Variants in TRIP10 observed in about 807,000 individuals in gnomAD.
TRIP10 encodes the protein cdc42-interacting protein 4.
Under a neutral mutation model 80.9 loss-of-function variants are expected in TRIP10, and 54 were observed. That is an observed-to-expected ratio of 0.67 (90% CI 0.54 to 0.84). The LOEUF (loss-of-function observed/expected upper bound fraction) is 0.84. TRIP10 is among the 40% of genes least tolerant of loss of function. TRIP10 has a pLI of 0.00. For synonymous variants in TRIP10, 321 were observed against 307.2 expected, an observed-to-expected ratio of 1.04 and a Z score of -0.47; for missense variants, 773 against 815.3, an observed-to-expected ratio of 0.95 and a Z score of 0.63.
Position 6,745,676 on chromosome 19 carries a change from C to T in TRIP10, c.985-353C>T, listed in dbSNP as rs530864607. On this transcript the variant is annotated intron_variant, in intron 9 of 14. Transcript: ENST00000313244. The surrounding 1 kb of genome is among the most constrained non-coding windows in gnomAD (Gnocchi z 7.2). ...GCTAAGTGGACAGAGAGACATGGGC[C>T]TCCCTGCCTCCTGGACCCATGCTTG... 6 of 985,282 alleles carry T rather than the reference C, an allele frequency of 6.1e-6. No homozygotes were observed. Among genetic ancestry groups the T allele is most frequent in the Admixed American group, 6.2e-5 (1 of 16,260 alleles). The allele number at this position is 985,282 out of a possible 1,614,324, so 61.0% of individuals were successfully genotyped here.
At chr19:6,743,670 C>T (rs772673964) in intron 6 of TRIP10, 38 bp from the exon 7 acceptor site, 25 of 1,612,164 alleles carry the variant, frequency 1.6e-5, no homozygotes, top group Middle Eastern at 1.7e-4. Flanking sequence ...GGGACGTGAT[C>T]GGAACCTGGC....
chr19:6,750,116 C>A, intron 12 of TRIP10, 50 bp downstream of exon 12: 1 of 1,502,462 alleles, frequency 6.7e-7, no homozygotes, highest in South Asian at 1.2e-5. Context: ...CTGGCTGAGT[C>A]ACTGCTGGGT....
rs1051764068 is a variant in TRIP10, at chr19:6,744,204, G to A, written c.643-350G>A. ...TCTAACAACCCCTCTGAAAGGTCTC[G>A]AATTTCCCCTCTCCTGTTTCAATCT... is the stretch of plus-strand genomic sequence containing the variant. On this transcript the variant is annotated intron_variant, in intron 7 of 14. Coordinates refer to ENST00000313244, the MANE Select transcript of TRIP10 (RefSeq NM_001288962.2). The surrounding 1 kb of genome is among the most constrained non-coding windows in gnomAD (Gnocchi z 4.9). Among the ~76,000 whole-genome samples the A allele has an allele frequency of 1.1e-4, 16 of 152,048 alleles. No homozygotes were observed. Among genetic ancestry groups the A allele is most frequent in the Admixed American group, 9.2e-4 (14 of 15,260 alleles).
rs1969236486 is a variant in TRIP10 at position 6,750,072 on chromosome 19, G to C, written c.1395+6G>C. 8 of 1,435,334 alleles carry C rather than the reference G, an allele frequency of 5.6e-6. No homozygotes were observed. Among genetic ancestry groups the C allele is most frequent in the Non-Finnish European group, 6.5e-6 (7 of 1,075,878 alleles). 88.9% of individuals were successfully genotyped at this position (1,435,334 alleles called of 1,614,324 possible). On this transcript the variant is annotated splice_donor_region_variant and intron_variant, in intron 12 of 14. Transcript: ENST00000313244. The stretch of plus-strand genomic sequence containing the variant: ...TGGAAGTGCAGAAGTATGAGGTCAG[G>C]AAAGACCCTGGGGAGGGGCGGGAGC...
Position 6,743,780 on chromosome 19 carries a change from C to A in TRIP10, c.586C>A (p.Arg196Ser). The A allele has an allele frequency of 6.2e-7, 1 of 1,614,076 alleles. No individual in the cohort carries two copies. Residue 196 changes from arginine to serine, a missense_variant, in exon 7 of 15, where the codon CGC becomes AGC. Transcript: ENST00000313244. The stretch of plus-strand genomic sequence containing the variant: ...AAACGAATATGCGGCTCAACTGCAG[C>A]GCTTCAACCGAGACCAAGCCCACTT... ...SKNEYAAQLQ[R>S]FNRDQAHFYF...
rs1298701372 is a variant in TRIP10 at position 6,745,878 on chromosome 19, T to TC, written c.985-150dup. ...GTTGTGGTTTTCTTACCGTTTTTTT[T>TC]CTTTCTCCATTTTGTTTTTCCTTTT... On this transcript the variant is annotated intron_variant, in intron 9 of 14. Transcript: ENST00000313244. The surrounding 1 kb of genome is among the most constrained non-coding windows in gnomAD (Gnocchi z 7.2). 1 of 1,256,156 alleles carries TC rather than the reference T, an allele frequency of 8.0e-7. No individual in the cohort carries two copies. Among genetic ancestry groups the TC allele is most frequent in the Non-Finnish European group, 1.0e-6 (1 of 998,282 alleles). The allele number at this position is 1,256,156 out of a possible 1,614,324, so 77.8% of individuals were successfully genotyped here.
chr19:6,751,050 ACCC>A lies in TRIP10; in HGVS notation c.1658-10_1658-8del. ...CTAAAGCAGATCTGGGCCCACCCCC[ACCC>A]CCATCACAGGGTCCAGCGAGGGCAC... On this transcript the variant is annotated splice_polypyrimidine_tract_variant and intron_variant, in intron 14 of 14. Coordinates refer to ENST00000313244, the MANE Select transcript of TRIP10 (RefSeq NM_001288962.2). 6.9e-7 allele frequency: 1 copy of A among 1,451,896 alleles called. No homozygotes were observed. Among genetic ancestry groups the A allele is most frequent in the Non-Finnish European group, 9.2e-7 (1 of 1,087,326 alleles). 89.9% of individuals were successfully genotyped at this position (1,451,896 alleles called of 1,614,324 possible).
Position 6,751,230 on chromosome 19 carries a change from AGAG to A in TRIP10, c.*21_*23del. 3 of 1,613,714 alleles carry A rather than the reference AGAG, an allele frequency of 1.9e-6. No individual in the cohort carries two copies. Among genetic ancestry groups the A allele is most frequent in the Non-Finnish European group, 2.5e-6 (3 of 1,179,914 alleles). ...CAATTGAACCCTGCCAGAGACGGGA[AGAG>A]GGGGGCTGTCGGCTGCTGCTTCTGG... On this transcript the variant is annotated 3_prime_UTR_variant, in exon 15 of 15. Coordinates refer to ENST00000313244, the MANE Select transcript of TRIP10 (RefSeq NM_001288962.2).
At chr19:6,750,220 G>C in intron 12 of TRIP10, 72 bp from the exon 13 acceptor site, 1 of 1,593,288 alleles carries the variant, frequency 6.3e-7, no homozygotes, top group Admixed American at 1.7e-5. Flanking sequence ...TGATCTCAGG[G>C]AACCTCTGGG....
chr19:6,744,520 C>G lies in TRIP10; in HGVS notation c.643-34C>G, dbSNP rs778136382. 1.2e-6 allele frequency: 2 copies of G among 1,612,958 alleles called. No individual in the cohort carries two copies. The highest frequency in any genetic ancestry group is 1.7e-5 in the Admixed American group (1 of 59,952). ...ACTGTGCTTCTAGTCCCTCTGTTAG[C>G]ACCCCTGAGCCACCCTTGTCCCTGT... On this transcript the variant is annotated intron_variant, in intron 7 of 14. Coordinates refer to ENST00000313244, the MANE Select transcript of TRIP10 (RefSeq NM_001288962.2). The surrounding 1 kb of genome is among the most constrained non-coding windows in gnomAD (Gnocchi z 4.9).
rs763513711 is a variant in TRIP10, at chr19:6,743,479, C to G, written c.409-15C>G. 1.1e-5 allele frequency: 18 copies of G among 1,613,114 alleles called. No homozygotes were observed. The highest frequency in any genetic ancestry group is 1.4e-5 in the Non-Finnish European group (17 of 1,179,242). ...GGATGGTGGCTCCCTCACTCCGGTT[C>G]TGTCCCCTACACAGAGTAAGCGTAA... On this transcript the variant is annotated splice_polypyrimidine_tract_variant and intron_variant, in intron 5 of 14. Coordinates refer to ENST00000313244, the MANE Select transcript of TRIP10 (RefSeq NM_001288962.2).
Position 6,746,364 on chromosome 19 carries a change from G to C in TRIP10, c.1153-88G>C. 4 of 1,567,204 alleles carry C rather than the reference G, an allele frequency of 2.6e-6. No homozygotes were observed. The highest frequency in any genetic ancestry group is 1.1e-5 in the South Asian group (1 of 87,020). ...GCTTCGCTGTCAAGAACCATGGCTG[G>C]GGAAGGGAGTGAAATATCTCAGACG... On this transcript the variant is annotated intron_variant, in intron 10 of 14. Coordinates refer to ENST00000313244, the MANE Select transcript of TRIP10 (RefSeq NM_001288962.2). The surrounding 1 kb of genome is among the most constrained non-coding windows in gnomAD (Gnocchi z 6.2).
At position 6,744,407 on chromosome 19, in the gene TRIP10, G is replaced by C. The variant is rs1969034127; in HGVS notation, c.643-147G>C. 1 of 1,186,406 alleles carries C rather than the reference G, an allele frequency of 8.4e-7. No homozygotes were observed. The highest frequency in any genetic ancestry group is 1.2e-6 in the Non-Finnish European group (1 of 836,648). The allele number at this position is 1,186,406 out of a possible 1,614,324, so 73.5% of individuals were successfully genotyped here. On this transcript the variant is annotated intron_variant, in intron 7 of 14. Transcript: ENST00000313244. The surrounding 1 kb of genome is among the most constrained non-coding windows in gnomAD (Gnocchi z 4.9). ...TCTCTTCCCCAACCACAGTGGGCTG[G>C]AGTCTCTCTTCCCGACTCTGTCTTC...
Position 6,741,029 on chromosome 19 carries a change from A to G in TRIP10, c.44A>G (p.Glu15Gly). ...TELWDQFEVL[E>G]RHTQWGLDLL... ...TGTCAGGATCAGTTCGAGGTGCTCG[A>G]GCGCCACACGCAGTGGGGGCTGGAC... The change falls in exon 2 of 15, where the codon GAG becomes GGG. Residue 15 changes from glutamate to glycine, a missense_variant. Transcript: ENST00000313244. The G allele has an allele frequency of 6.2e-7, 1 of 1,613,708 alleles. No individual in the cohort carries two copies. The highest frequency in any genetic ancestry group is 8.5e-7 in the Non-Finnish European group (1 of 1,179,792).
chr19:6,751,197 G>A lies in TRIP10; in HGVS notation c.1792G>A (p.Val598Ile). ...EGYVPTSYLR[V>I]TLN is the part of the protein sequence containing the mutation. ...CTACGTGCCCACCTCCTACCTCCGA[G>A]TCACGCTCAATTGAACCCTGCCAGA... The change falls in exon 15 of 15, where the codon GTC (valine) becomes ATC (isoleucine). Residue 598 changes from valine (V) to isoleucine (I), a missense_variant. By Grantham distance (29) the Val-to-Ile change is conservative (BLOSUM62 3). Transcript: ENST00000313244. 1 of 1,613,976 alleles carries A rather than the reference G, an allele frequency of 6.2e-7. No individual in the cohort carries two copies. Among genetic ancestry groups the A allele is most frequent in the Non-Finnish European group, 8.5e-7 (1 of 1,179,984 alleles).
rs1969061331 is a variant in TRIP10, at chr19:6,744,944, G to A, written c.934G>A (p.Gly312Ser). 6.2e-7 allele frequency: 1 copy of A among 1,614,058 alleles called. No individual in the cohort carries two copies. The highest frequency in any genetic ancestry group is 8.5e-7 in the Non-Finnish European group (1 of 1,180,014). Reference protein sequence around the residue: ...TPSDGRPELRGPGRSRTKRWP... With the variant: ...TPSDGRPELRSPGRSRTKRWP... Reference sequence around the variant, plus strand: ...CTCGGATGGACGGCCTGAACTCCGAGGCCCGGGTCGCAGCCGCACCAAGCG... The same window carrying A: ...CTCGGATGGACGGCCTGAACTCCGAAGCCCGGGTCGCAGCCGCACCAAGCG... Residue 312 changes from glycine to serine, a missense_variant, in exon 9 of 15, where the codon GGC becomes AGC. Coordinates refer to ENST00000313244, the MANE Select transcript of TRIP10 (RefSeq NM_001288962.2). This position sits in a 1 kb window ranked among gnomAD's most constrained non-coding sequence, Gnocchi z 4.9.
rs940147227 is a variant in TRIP10 at position 6,745,779 on chromosome 19, A to C, written c.985-250A>C. ...CTGGCTTTCGGGCTTACAGTTCAACATCCTCCCCGCCACCTTCCAGATTTT... is the reference window on the plus strand; with the variant it reads ...CTGGCTTTCGGGCTTACAGTTCAACCTCCTCCCCGCCACCTTCCAGATTTT... On this transcript the variant is annotated intron_variant, in intron 9 of 14. Coordinates refer to ENST00000313244, the MANE Select transcript of TRIP10 (RefSeq NM_001288962.2). The surrounding 1 kb of genome is among the most constrained non-coding windows in gnomAD (Gnocchi z 7.2). The C allele has an allele frequency of 1.0e-6, 1 of 984,000 alleles. No individual in the cohort carries two copies. The highest frequency in any genetic ancestry group is 1.2e-6 in the Non-Finnish European group (1 of 829,654). The allele number at this position is 984,000 out of a possible 1,614,324, so 61.0% of individuals were successfully genotyped here. A position where few individuals can be genotyped will look rare whatever the true frequency, so the allele number is the denominator to read the frequency against.
At chr19:6,740,781 CG>C (rs1968891102) in intron 1 of TRIP10, 3 of 543,990 alleles carry the variant, frequency 5.5e-6, no homozygotes, top group Non-Finnish European at 9.9e-6. Flanking sequence ...ATCTCCCGGC[CG>C]GGGTGGCTGG....
intron 12 of TRIP10, 82 bp from the exon 13 acceptor site, chr19:6,750,201 GTGCGTGGGT>G (rs1196286161): frequency 6.3e-7 from 1 of 1,584,776 alleles, no homozygotes; most frequent in African/African-American, 1.3e-5. Context: ...AGCCTTGGCT[GTGCGTGGGT>G]GATCTCAGGG....
Sources: allele counts gnomAD v4.1 joint callset (sites outside exome capture counted in the v4.1 genomes callset), GRCh38; gene constraint gnomAD v4.1.1; non-coding constraint Gnocchi (gnomAD v3.1); transcripts MANE v1.5; gene names NCBI Gene and HGNC (gene_info 2026-07-23, HGNC 2026-07-21).